Variants in RGS6 observed in about 807,000 individuals in gnomAD.
RGS6 encodes regulator of G-protein signaling 6.
Under a neutral mutation model 78.5 loss-of-function variants are expected in RGS6, and 30 were observed. The ratio of observed to expected loss-of-function variants is 0.38; its 90% CI spans 0.29 to 0.52. The LOEUF is 0.52. RGS6 is among the 20% of genes least tolerant of loss of function. The probability of loss-of-function intolerance (pLI) is 0.85; values close to 1 mark genes in which losing one functional copy is unlikely to be tolerated. For synonymous variants in RGS6, 206 were observed against 206.0 expected, an observed-to-expected ratio of 1.00 and a Z score of 0.00; for missense variants, 495 against 609.7, an observed-to-expected ratio of 0.81 and a Z score of 1.98.
rs577996172 is a variant in RGS6, at chr14:72,361,969, A to G, written c.184+9775A>G. On this transcript the variant is annotated intron_variant, in intron 3 of 17. Transcript: ENST00000553525. ...CCACGTAAGAGGGCTGCAGGGAAGC[A>G]GGACCACTGGGGAAGAATGAGAAGA... Among the ~76,000 whole-genome samples the G allele has an allele frequency of 1.1e-4, 17 of 152,362 alleles. No homozygotes were observed. In the South Asian group the frequency reaches 2.9e-3, roughly 26 times the overall value.
chr14:72,127,655 T>C (rs1457334230), intron 2 of RGS6, among the ~76,000 whole-genome samples: 3 of 152,174 alleles, frequency 2.0e-5, no homozygotes, highest in Admixed American at 1.3e-4. Context: ...TTCTTGCAGT[T>C]GCAAGAAATA....
rs544275167 is a variant in RGS6 at position 72,286,927 on chromosome 14, G to A, written c.85-65168G>A. Among the ~76,000 whole-genome samples the A allele has an allele frequency of 3.9e-5, 6 of 152,162 alleles. 1 individual carries two copies. The South Asian group carries it at 1.2e-3, about 32-fold the overall frequency. Reference sequence around the variant, plus strand: ...GCCTCCCAAGTAGCTGGGATTATAGGCATGTGCCACCACACTTGCCTAATT... The same window carrying A: ...GCCTCCCAAGTAGCTGGGATTATAGACATGTGCCACCACACTTGCCTAATT... On this transcript the variant is annotated intron_variant, in intron 2 of 17. Coordinates refer to ENST00000553525, the MANE Select transcript of RGS6 (RefSeq NM_001204424.2).
chr14:72,422,269 A>G (rs149864978), intron 3 of RGS6, among the ~76,000 whole-genome samples: 2,429 of 152,318 alleles, frequency 0.016, 64 homozygotes, highest in African/African-American at 0.056. Context: ...ATGAAAATGG[A>G]CTAATACAAA....
chr14:71,893,411 T>G, the RGS6 span, among the ~76,000 whole-genome samples: 1 of 152,238 alleles, frequency 6.6e-6, no homozygotes, highest in African/African-American at 2.4e-5. Context: ...GCTCAGATGC[T>G]GATTGGAGGA....
chr14:72,402,714 A>T (rs995516837), intron 3 of RGS6, among the ~76,000 whole-genome samples: 3 of 152,022 alleles, frequency 2.0e-5, no homozygotes, highest in African/African-American at 7.2e-5. Context: ...AAAAACTAAA[A>T]TAGAACTACC....
intron 2 of RGS6, among the ~76,000 whole-genome samples, chr14:72,342,470 G>T (rs1218370816): frequency 1.3e-5 from 2 of 151,782 alleles, no homozygotes; most frequent in Non-Finnish European, 1.5e-5. Context: ...GAAAGCTGAG[G>T]CAGGAGAACT....
Position 72,424,182 on chromosome 14 carries a change from GAGTCACA to G in RGS6, c.185-30343_185-30337del, listed in dbSNP as rs372523661. On this transcript the variant is annotated intron_variant, in intron 3 of 17. Coordinates refer to ENST00000553525, the MANE Select transcript of RGS6 (RefSeq NM_001204424.2). ...AGAGAAGCCCACATGCCCTCTCCTGGAGTCACAAGGGCAGGCCAAGTATTCTGTCCTA... is the reference window on the plus strand; with the variant it reads ...AGAGAAGCCCACATGCCCTCTCCTGGAGGGCAGGCCAAGTATTCTGTCCTA... 2.4e-4 allele frequency among the ~76,000 whole-genome samples: 36 copies of G among 152,274 alleles called. 1 individual carries two copies. Among genetic ancestry groups the G allele is most frequent in the African/African-American group, 8.4e-4 (35 of 41,542 alleles).
chr14:72,047,222 C>T (rs993329656), intron 2 of RGS6, among the ~76,000 whole-genome samples: 1 of 152,192 alleles, frequency 6.6e-6, no homozygotes, highest in Non-Finnish European at 1.5e-5. Context: ...CTGGAATTGT[C>T]TCCTAGCTGA....
chr14:72,406,257 G>A (rs745500131), intron 3 of RGS6, among the ~76,000 whole-genome samples: 200 of 152,220 alleles, frequency 1.3e-3, no homozygotes, highest in Non-Finnish European at 1.7e-3. Context: ...AGTGGCACAC[G>A]CCTGTAGTCC....
chr14:72,048,094 C>T (rs570168022), intron 2 of RGS6, among the ~76,000 whole-genome samples: 16 of 151,976 alleles, frequency 1.1e-4, no homozygotes, highest in South Asian at 6.2e-4. Flanking sequence ...GCAAAGTGAA[C>T]GGAACAAGAG....
intron 2 of RGS6, among the ~76,000 whole-genome samples, chr14:72,057,893 A>G (rs1334000035): frequency 2.6e-5 from 4 of 152,174 alleles, no homozygotes; most frequent in Non-Finnish European, 5.9e-5. Context: ...GATTAGCTCC[A>G]AATACTCTTT....
chr14:72,053,089 C>CTTCCTTCT (rs2093422035), intron 2 of RGS6, among the ~76,000 whole-genome samples: 1 of 45,698 alleles, frequency 2.2e-5, no homozygotes, highest in Non-Finnish European at 4.3e-5. Flanking sequence ...CCCTTCCTTC[C>CTTCCTTCT]TTCCTTCCTT....
chr14:72,245,143 G>A (rs112173658), intron 2 of RGS6, among the ~76,000 whole-genome samples: 1,626 of 152,312 alleles, frequency 0.011, 33 homozygotes, highest in African/African-American at 0.037. Flanking sequence ...ATTGGCTGGG[G>A]CCCCTATAAC....
chr14:71,945,599 G>A (rs1015232795), intron 1 of RGS6, among the ~76,000 whole-genome samples: 3 of 152,108 alleles, frequency 2.0e-5, no homozygotes, highest in African/African-American at 7.2e-5. Context: ...CTTGAAATAT[G>A]GGGTCATCTG....
intron 2 of RGS6, among the ~76,000 whole-genome samples, chr14:72,301,637 A>G (rs1298974214): frequency 6.6e-6 from 1 of 152,168 alleles, no homozygotes; most frequent in East Asian, 1.9e-4. Context: ...CTGGAGGCCA[A>G]AAGTTCAAGA....
intron 2 of RGS6, among the ~76,000 whole-genome samples, chr14:72,337,346 A>T (rs755351561): frequency 6.6e-6 from 1 of 151,730 alleles, no homozygotes; most frequent in South Asian, 2.1e-4. Context: ...CGTGTTTCCA[A>T]TGCAGTGGTT....
At chr14:71,973,345 C>G (rs1318447387) in intron 2 of RGS6, among the ~76,000 whole-genome samples, 1 of 150,786 alleles carries the variant, frequency 6.6e-6, no homozygotes, top group African/African-American at 2.4e-5. Context: ...TGGTCTTCAG[C>G]ACTTAGGGCT....
chr14:72,629,068 C>T, the RGS6 span, among the ~76,000 whole-genome samples: 4 of 152,002 alleles, frequency 2.6e-5, no homozygotes, highest in East Asian at 1.9e-4. Flanking sequence ...AAATATGAGA[C>T]GACTGGATGT....
intron 3 of RGS6, among the ~76,000 whole-genome samples, chr14:72,393,930 C>T (rs547801253): frequency 1.4e-4 from 22 of 152,118 alleles, no homozygotes; most frequent in Non-Finnish European, 2.5e-4. Flanking sequence ...TGTCTTCTGG[C>T]GTATGCTGAC....
Sources: allele counts gnomAD v4.1 joint callset (sites outside exome capture counted in the v4.1 genomes callset), GRCh38; gene constraint gnomAD v4.1.1; transcripts MANE v1.5; gene names NCBI Gene and HGNC (gene_info 2026-07-23, HGNC 2026-07-21).